Variants in TP63 observed in about 807,000 individuals in gnomAD.
TP63 encodes the protein tumor protein 63.
In TP63, 17 loss-of-function variants were observed where a neutral mutation model predicts 82.8. The ratio of observed to expected loss-of-function variants is 0.21; its 90% CI spans 0.14 to 0.31. The LOEUF (loss-of-function observed/expected upper bound fraction) is 0.31. Ranked by LOEUF, TP63 falls within the 10% of genes least tolerant of loss-of-function variation. The pLI, the probability that TP63 is intolerant of heterozygous loss-of-function variation, is 1.00. For missense variants in TP63, 648 were observed against 895.3 expected (o/e 0.72, Z 3.52); for synonymous variants, 330 against 321.7 (o/e 1.03, Z -0.28).
chr3:189,706,757 G>T (rs908084085), intron 1 of TP63, among the ~76,000 whole-genome samples: 3 of 152,140 alleles, frequency 2.0e-5, no homozygotes, highest in African/African-American at 7.2e-5. Flanking sequence ...AAGGGACACA[G>T]GTTATCACCA....
intron 10 of TP63, among the ~76,000 whole-genome samples, chr3:189,885,224 C>T (rs1294319224): frequency 6.6e-6 from 1 of 152,164 alleles, no homozygotes; most frequent in Non-Finnish European, 1.5e-5. Flanking sequence ...TCTGTGGTCA[C>T]AGTAATTCAG....
At chr3:189,752,768 T>TTTCTAATG (rs1721916692) in intron 3 of TP63, among the ~76,000 whole-genome samples, 1 of 152,134 alleles carries the variant, frequency 6.6e-6, no homozygotes, top group Non-Finnish European at 1.5e-5. Context: ...TGAGATATCT[T>TTTCTAATG]TTCTAATGTT....
intron 4 of TP63, among the ~76,000 whole-genome samples, chr3:189,838,140 GC>G (rs1283526183): frequency 6.6e-6 from 1 of 151,710 alleles, no homozygotes; most frequent in Non-Finnish European, 1.5e-5. Context: ...AGTTTCCTGA[GC>G]CCCCCTCCCT....
At chr3:189,608,292 G>A in the TP63 span, among the ~76,000 whole-genome samples, 1 of 152,084 alleles carries the variant, frequency 6.6e-6, no homozygotes. Context: ...AGGAATTAGA[G>A]CATTGGATAA....
At chr3:189,868,542 G>A in intron 7 of TP63, 38 bp from the exon 8 acceptor site, 2 of 1,612,274 alleles carry the variant, frequency 1.2e-6, no homozygotes, top group Non-Finnish European at 1.7e-6. Context: ...AAAATGCTTT[G>A]AATTTAACTC....
At chr3:189,811,267 T>C (rs73197850) in intron 4 of TP63, among the ~76,000 whole-genome samples, 39,708 of 152,130 alleles carry the variant, frequency 0.26, 5,346 homozygotes, top group South Asian at 0.32. Flanking sequence ...ATAATTAACG[T>C]AGAAAGTTTT....
In TP63 at chr3:189,773,322, T is replaced by A. The variant is rs376663335; in HGVS notation, c.324+34548T>A. ...ACTCCTCAAAAATTTCCCTTGTAAA[T>A]CTTATTTTCGGTCAAAGTCCTTAGA... is the stretch of plus-strand genomic sequence containing the variant. On this transcript the variant is annotated intron_variant, in intron 3 of 13. Coordinates refer to ENST00000264731, the MANE Select transcript of TP63 (RefSeq NM_003722.5). Among the ~76,000 whole-genome samples, 221 of 152,346 alleles carry A rather than the reference T, an allele frequency of 1.5e-3. 1 individual carries two copies. Among genetic ancestry groups the A allele is most frequent in the African/African-American group, 5.2e-3 (215 of 41,574 alleles).
chr3:189,848,229 C>G (rs1715138600), intron 4 of TP63, among the ~76,000 whole-genome samples: 1 of 138,088 alleles, frequency 7.2e-6, no homozygotes, highest in African/African-American at 2.9e-5. Context: ...CCTCCTCCTC[C>G]TCCTCCTCCT....
At chr3:189,810,943 A>G (rs993108578) in intron 4 of TP63, among the ~76,000 whole-genome samples, 1 of 152,156 alleles carries the variant, frequency 6.6e-6, no homozygotes, top group African/African-American at 2.4e-5. Flanking sequence ...AGAGAAGTCA[A>G]TTGTCTTACT....
At chr3:189,891,673 C>T (rs762866950) in intron 13 of TP63, among the ~76,000 whole-genome samples, 7 of 152,132 alleles carry the variant, frequency 4.6e-5, no homozygotes, top group South Asian at 2.1e-4. Flanking sequence ...ACAAGCTGGG[C>T]GAGAGGGGAC....
intron 1 of TP63, among the ~76,000 whole-genome samples, chr3:189,722,163 C>G (rs563232684): frequency 5.9e-4 from 90 of 152,288 alleles, no homozygotes; most frequent in African/African-American, 1.8e-3. Flanking sequence ...TGGAAGCTCT[C>G]TGGGGGCCAG....
chr3:189,817,878 C>T (rs954381620), intron 4 of TP63, among the ~76,000 whole-genome samples: 4 of 151,596 alleles, frequency 2.6e-5, no homozygotes, highest in African/African-American at 4.8e-5. Context: ...TTTTAAAATG[C>T]AGTCATCTTT....
intron 1 of TP63, among the ~76,000 whole-genome samples, chr3:189,667,807 A>G (rs1013592515): frequency 3.3e-5 from 5 of 152,118 alleles, no homozygotes; most frequent in African/African-American, 9.7e-5. Flanking sequence ...AGAGACAGCA[A>G]ATGTTTTCTG....
intron 4 of TP63, among the ~76,000 whole-genome samples, chr3:189,844,043 A>C (rs1245119230): frequency 6.7e-6 from 1 of 149,022 alleles, no homozygotes; most frequent in East Asian, 2.0e-4. Context: ...ACCCCAGACC[A>C]CCTGTACCCA....
At chr3:189,682,695 C>T (rs997183395) in intron 1 of TP63, among the ~76,000 whole-genome samples, 3 of 151,556 alleles carry the variant, frequency 2.0e-5, no homozygotes, top group Non-Finnish European at 4.4e-5. Flanking sequence ...AGGTCTTTCA[C>T]CATTATTCTG....
At chr3:189,888,423 CA>C (rs1402267321) in intron 11 of TP63, among the ~76,000 whole-genome samples, 1 of 152,172 alleles carries the variant, frequency 6.6e-6, no homozygotes, top group Admixed American at 6.5e-5. Context: ...TGATGGTTCA[CA>C]TTTGTATAAC....
intron 4 of TP63, among the ~76,000 whole-genome samples, chr3:189,829,601 A>G (rs908518985): frequency 1.3e-5 from 2 of 152,224 alleles, no homozygotes; most frequent in African/African-American, 2.4e-5. Flanking sequence ...AGGAATGGGC[A>G]GAGACTAGAT....
At chr3:189,772,165 C>T (rs1272895341) in intron 3 of TP63, among the ~76,000 whole-genome samples, 2 of 152,186 alleles carry the variant, frequency 1.3e-5, no homozygotes, top group African/African-American at 4.8e-5. Context: ...AGCATAACAA[C>T]TATTTTACAT....
the TP63 span, among the ~76,000 whole-genome samples, chr3:189,623,799 T>C: frequency 6.6e-6 from 1 of 152,210 alleles, no homozygotes; most frequent in Non-Finnish European, 1.5e-5. Context: ...AAATGCATTA[T>C]AATCAGAGAC....
Sources: gnomAD v4.1 joint callset for allele counts (sites outside exome capture counted in the v4.1 genomes callset) on GRCh38, gnomAD v4.1.1 for gene constraint, MANE v1.5 for transcripts, NCBI Gene and HGNC (gene_info 2026-07-23, HGNC 2026-07-21) for gene names.